HRNR: variants seen among roughly 807,000 people sequenced by gnomAD.
HRNR encodes the protein filaggrin family member 3.
HRNR carries 7 observed loss-of-function variants against 4.8 expected under a neutral mutation model. The observed-to-expected ratio is 1.47, with a 90% CI of 0.83 to 2.75. The LOEUF (loss-of-function observed/expected upper bound fraction) is 2.75, where lower values mean the gene tolerates loss of function less well. HRNR is among the 30% of genes most tolerant of loss of function. The pLI is 0.00. For missense variants in HRNR, 2,879 were observed against 3,010.4 expected (o/e 0.96, Z 1.02); for synonymous variants, 1,023 against 1,242.7 (o/e 0.82, Z 3.72).
chr1:152,213,194 T>G lies in HRNR; in HGVS notation c.8435A>C (p.Tyr2812Ser). ...GSGSGQDGYS[Y>S]CKGGSNHDGG... ...ATCATGGTTACTTCCTCCTTTGCAA[T>G]AAGAATACCCATCTTGCCCTGAGCC... The change falls in exon 3 of 3, where the codon TAT (tyrosine) becomes TCT (serine). Residue 2812 changes from tyrosine (Y) to serine (S), a missense_variant. By Grantham distance (144) the Tyr-to-Ser change is moderately radical. Transcript: ENST00000368801. The G allele has an allele frequency of 6.2e-7, 1 of 1,614,136 alleles. No individual in the cohort carries two copies. Among genetic ancestry groups the G allele is most frequent in the Non-Finnish European group, 8.5e-7 (1 of 1,180,032 alleles).
In HRNR at chr1:152,213,213, C is replaced by A. The variant is rs780774579; in HGVS notation, c.8416G>T (p.Gly2806Trp). 7.4e-6 allele frequency: 12 copies of A among 1,614,150 alleles called. No individual in the cohort carries two copies. The South Asian group carries it at 1.2e-4, about 16-fold the overall frequency. The change falls in exon 3 of 3, where the codon GGG (glycine) becomes TGG (tryptophan). Residue 2806 changes from glycine to tryptophan, a missense_variant. Around this residue, in one of 8 missense-constraint regions of HRNR, gnomAD observed 158 missense variants for 107.6 expected, o/e 1.47. Transcript: ENST00000368801. ...TTGCAATAAGAATACCCATCTTGCCCTGAGCCACTTCCATGCTGACTATAA... is the reference window on the plus strand; with the variant it reads ...TTGCAATAAGAATACCCATCTTGCCATGAGCCACTTCCATGCTGACTATAA... ...SGYSQHGSGS[G>W]QDGYSYCKGG...
chr1:152,218,870 C>T lies in HRNR; in HGVS notation c.2759G>A (p.Gly920Asp), dbSNP rs755328752. 9 of 1,613,784 alleles carry T rather than the reference C, an allele frequency of 5.6e-6. No homozygotes were observed. The highest frequency in any genetic ancestry group is 3.3e-5 in the Admixed American group (2 of 59,992). ...GSGSGRSSSS[G>D]RHGSGSGQSS... Reference sequence around the variant, plus strand: ...CTGGCCTGAGCCAGACCCATGTCGGCCACTGCTGGAAGACCGACCGGAGCC... The same window carrying T: ...CTGGCCTGAGCCAGACCCATGTCGGTCACTGCTGGAAGACCGACCGGAGCC... The change falls in exon 3 of 3, where the codon GGC becomes GAC. Residue 920 changes from glycine to aspartate, a missense_variant. By Grantham distance (94) the Gly-to-Asp change is moderately conservative (BLOSUM62 -1). This residue lies in a region of HRNR where 2,646 missense variants were observed against 1,377.7 expected (regional missense o/e 1.92). Coordinates refer to ENST00000368801, the MANE Select transcript of HRNR (RefSeq NM_001009931.3).
chr1:152,223,320 ATTTC>A, intron 1 of HRNR, 42 bp from the exon 2 acceptor site: 1 of 1,259,686 alleles, frequency 7.9e-7, no homozygotes, highest in East Asian at 2.3e-5. Flanking sequence ...TACTATTCTT[ATTTC>A]TTGTTTAAAC....
Position 152,221,366 on chromosome 1 carries a change from A to G in HRNR, c.263T>C (p.Ile88Thr). ...IFKLVQARNK[I>T]IGKDYCQVSG... ...AACTTGGCAGTAATCTTTGCCAATG[A>G]TTTTATTACGAGCCTGAACCAGCTT... Residue 88 changes from isoleucine to threonine, a missense_variant, in exon 3 of 3, where the codon ATC (isoleucine) becomes ACC (threonine). Coordinates refer to ENST00000368801, the MANE Select transcript of HRNR (RefSeq NM_001009931.3). 2 of 1,613,954 alleles carry G rather than the reference A, an allele frequency of 1.2e-6. No homozygotes were observed. The highest frequency in any genetic ancestry group is 1.7e-6 in the Non-Finnish European group (2 of 1,180,020).
rs941466916 is a variant in HRNR, at chr1:152,220,370, G to T, written c.1259C>A (p.Ser420Tyr). Residue 420 changes from serine (S) to tyrosine (Y), a missense_variant, in exon 3 of 3, where the codon TCT (serine) becomes TAT (tyrosine). Ser to Tyr is a moderately radical substitution (Grantham distance 144). This residue lies in a region of HRNR where 2,646 missense variants were observed against 1,377.7 expected (regional missense o/e 1.92). Transcript: ENST00000368801. ...CTGGCCGTGGCCTGGAGACTGGCCA[G>T]ATCCAGAGCTGTGTTGGCCGCGGCC... is the stretch of plus-strand genomic sequence containing the variant. Reference protein sequence around the residue: ...SSGRGQHSSGSGQSPGHGQRG... With the variant: ...SSGRGQHSSGYGQSPGHGQRG... 2.5e-6 allele frequency: 4 copies of T among 1,613,794 alleles called. No individual in the cohort carries two copies. Among genetic ancestry groups the T allele is most frequent in the Non-Finnish European group, 3.4e-6 (4 of 1,179,762 alleles).
Position 152,221,334 on chromosome 1 carries a change from A to C in HRNR, c.295T>G (p.Ser99Ala). 6.2e-7 allele frequency: 1 copy of C among 1,613,844 alleles called. No homozygotes were observed. The highest frequency in any genetic ancestry group is 1.1e-5 in the South Asian group (1 of 91,064). Residue 99 changes from serine (S) to alanine (A), a missense_variant, in exon 3 of 3, where the codon TCA becomes GCA. By Grantham distance (99) the Ser-to-Ala change is moderately conservative (BLOSUM62 1). This residue lies in a region of HRNR where 2,646 missense variants were observed against 1,377.7 expected (regional missense o/e 1.92). Coordinates refer to ENST00000368801, the MANE Select transcript of HRNR (RefSeq NM_001009931.3). ...IGKDYCQVSG[S>A]KLRDDTHQHQ... ...TGGTGAGTGTCATCTCTCAGCTTTG[A>C]CCCTGAAACTTGGCAGTAATCTTTG...
At position 152,219,260 on chromosome 1, in the gene HRNR, CT is replaced by C; in HGVS notation, c.2368del (p.Ser790AlafsTer261). On this transcript the variant is annotated frameshift_variant, in exon 3 of 3. Coordinates refer to ENST00000368801, the MANE Select transcript of HRNR (RefSeq NM_001009931.3). LOFTEE classifies it low-confidence loss of function (END_TRUNC). ...RHGSSSGHSS[S>X]HGQHGSGTSC... is the part of the protein sequence containing the mutation. ...TGTGCCAGACCCGTGTTGGCCGTGG[CT>C]GGAGGAGTGCCCTGAACTGGACCCA... 6.2e-7 allele frequency: 1 copy of C among 1,613,322 alleles called. No homozygotes were observed. The highest frequency in any genetic ancestry group is 1.1e-5 in the South Asian group (1 of 91,072).
In HRNR at chr1:152,219,156, C is replaced by G. The variant is rs1446537065; in HGVS notation, c.2473G>C (p.Gly825Arg). Residue 825 changes from glycine to arginine, a missense_variant, in exon 3 of 3, where the codon GGA becomes CGA. Physicochemically the swap from Gly to Arg is moderately radical, Grantham distance 125. This residue lies in a region of HRNR where 2,646 missense variants were observed against 1,377.7 expected (regional missense o/e 1.92). Coordinates refer to ENST00000368801, the MANE Select transcript of HRNR (RefSeq NM_001009931.3). ...SGFGQHESGS[G>R]QGYSQHGSAS... ...GAACCATGCTGACTATAGCCCTGTC[C>G]TGAGCCAGACTCGTGTTGCCCAAAA... is the stretch of plus-strand genomic sequence containing the variant. The G allele has an allele frequency of 1.3e-5, 21 of 1,613,634 alleles. No individual in the cohort carries two copies. Among genetic ancestry groups the G allele is most frequent in the East Asian group, 2.2e-5 (1 of 44,846 alleles).
Position 152,218,984 on chromosome 1 carries a change from C to T in HRNR, c.2645G>A (p.Arg882Gln), listed in dbSNP as rs145266060. 4.4e-5 allele frequency: 71 copies of T among 1,608,266 alleles called. No homozygotes were observed. Among genetic ancestry groups the T allele is most frequent in the African/African-American group, 9.4e-5 (7 of 74,780 alleles). Residue 882 changes from arginine to glutamine, a missense_variant, in exon 3 of 3, where the codon CGA (arginine) becomes CAA (glutamine). Arg to Gln is a conservative substitution (Grantham distance 43, BLOSUM62 1). Around this residue, in one of 8 missense-constraint regions of HRNR, gnomAD observed 2,646 missense variants for 1,377.7 expected, o/e 1.92. Transcript: ENST00000368801. ...SASHHASGRG[R>Q]HGSGSGQSPG... ...AGACTGGCCAGATCCAGAGCCATGT[C>T]GGCCGCGGCCCGAAGCGTGATGGGA...
chr1:152,219,844 A>C lies in HRNR; in HGVS notation c.1785T>G (p.Ser595=). The change falls in exon 3 of 3, where the codon TCT becomes TCG. Residue 595 remains serine, a synonymous_variant. Transcript: ENST00000368801. ...GHQESRSGQS[S]GYGQHGSSSG... is the part of the protein sequence containing the mutation. Reference sequence around the variant, plus strand: ...AGCTAGATCCGTGTTGACCGTAGCCAGAGGACTGTCCTGAGCGAGACTCTT... The same window carrying C: ...AGCTAGATCCGTGTTGACCGTAGCCCGAGGACTGTCCTGAGCGAGACTCTT... 6.2e-7 allele frequency: 1 copy of C among 1,612,148 alleles called. No homozygotes were observed. Among genetic ancestry groups the C allele is most frequent in the Non-Finnish European group, 8.5e-7 (1 of 1,178,678 alleles).
Position 152,223,226 on chromosome 1 carries a change from T to C in HRNR, c.28A>G (p.Thr10Ala). The change falls in exon 2 of 3, where the codon ACT becomes GCT. Residue 10 changes from threonine (T) to alanine (A), a missense_variant. This residue lies in a region of HRNR where 2,646 missense variants were observed against 1,377.7 expected (regional missense o/e 1.92). Coordinates refer to ENST00000368801, the MANE Select transcript of HRNR (RefSeq NM_001009931.3). MPKLLQGVI[T>A]VIDVFYQYAT... ...TATTGGTAGAAAACATCGATGACAG[T>C]GATGACGCCTTGTAGGAGTTTAGGC... is the stretch of plus-strand genomic sequence containing the variant. 6.2e-7 allele frequency: 1 copy of C among 1,609,738 alleles called. No homozygotes were observed. Among genetic ancestry groups the C allele is most frequent in the Non-Finnish European group, 8.5e-7 (1 of 1,178,976 alleles).
intron 1 of HRNR, among the ~76,000 whole-genome samples, chr1:152,223,531 G>C (rs1171691777): frequency 2.0e-5 from 3 of 152,162 alleles, no homozygotes; most frequent in Non-Finnish European, 4.4e-5. Context: ...ATGACTTTCT[G>C]TTTTTGGCTT....
rs370049105 is a variant in HRNR, at chr1:152,221,850, T to C, written c.139-360A>G. Among the ~76,000 whole-genome samples the C allele has an allele frequency of 7.7e-4, 117 of 152,352 alleles. 1 individual carries two copies. In the South Asian group the frequency reaches 0.023, roughly 29 times the overall value. ...TATTTATCCAATTAAATTAACTAGCTACTTAATTTACTCACTGAACAAAGA... is the reference window on the plus strand; with the variant it reads ...TATTTATCCAATTAAATTAACTAGCCACTTAATTTACTCACTGAACAAAGA... On this transcript the variant is annotated intron_variant, in intron 2 of 2. Coordinates refer to ENST00000368801, the MANE Select transcript of HRNR (RefSeq NM_001009931.3).
rs758130710 is a variant in HRNR, at chr1:152,218,433, G to T, written c.3196C>A (p.His1066Asn). Residue 1066 changes from histidine to asparagine, a missense_variant, in exon 3 of 3, where the codon CAT becomes AAT. Coordinates refer to ENST00000368801, the MANE Select transcript of HRNR (RefSeq NM_001009931.3). Reference sequence around the variant, plus strand: ...GAGGAATGACCTGAGCTAGATCCATGTTGACCGTAGCCAGAGGACTGTCCT... The same window carrying T: ...GAGGAATGACCTGAGCTAGATCCATTTTGACCGTAGCCAGAGGACTGTCCT... ...RSGQSSGYGQ[H>N]GSSSGHSSTH... The T allele has an allele frequency of 4.6e-5, 75 of 1,613,688 alleles. 1 individual carries two copies. In the East Asian group the frequency reaches 1.5e-3, roughly 33 times the overall value.
At position 152,219,133 on chromosome 1, in the gene HRNR, A is replaced by G. The variant is rs898328431; in HGVS notation, c.2496T>C (p.Gly832=). 2.0e-5 allele frequency: 32 copies of G among 1,613,682 alleles called. No homozygotes were observed. Among genetic ancestry groups the G allele is most frequent in the Non-Finnish European group, 2.4e-5 (28 of 1,179,992 alleles). Residue 832 remains glycine, a synonymous_variant, in exon 3 of 3, where the codon GGT becomes GGC. Transcript: ENST00000368801. The part of the protein sequence containing the change: ...SGSGQGYSQH[G]SASGHFSSQG... ...GGCTAGAGAAGTGACCTGAGGCAGA[A>G]CCATGCTGACTATAGCCCTGTCCTG...
intron 2 of HRNR, 52 bp downstream of exon 2, chr1:152,223,064 G>T: frequency 1.9e-6 from 3 of 1,565,304 alleles, no homozygotes; most frequent in Non-Finnish European, 2.6e-6. Flanking sequence ...AAGGTGGAAA[G>T]GGATAAAGAA....
rs1195082665 is a variant in HRNR at position 152,220,717 on chromosome 1, G to A, written c.912C>T (p.Arg304=). The change falls in exon 3 of 3, where the codon CGC becomes CGT. Residue 304 remains arginine (R), a synonymous_variant. Transcript: ENST00000368801. ...CATGTCGGACGTGGCTAGGAGACTG[G>A]CGAGATCCAGACCCTTGTCGGCCGT... ...LGHGRQGSGS[R]QSPSHVRHGS... is the part of the protein sequence containing the mutation. 1.1e-5 allele frequency: 17 copies of A among 1,612,996 alleles called. No individual in the cohort carries two copies. The highest frequency in any genetic ancestry group is 1.4e-5 in the Non-Finnish European group (17 of 1,179,468).
chr1:152,219,740 G>A lies in HRNR; in HGVS notation c.1889C>T (p.Ser630Leu). Reference protein sequence around the residue: ...SSSCGQHGATSGQSSSHGQHG... With the variant: ...SSSCGQHGATLGQSSSHGQHG... ...CTGACCGTGGCTGGAAGACTGACCT[G>A]AGGTAGCTCCATGTTGGCCACAGCT... Residue 630 changes from serine (S) to leucine (L), a missense_variant, in exon 3 of 3, where the codon TCA becomes TTA. Physicochemically the swap from Ser to Leu is moderately radical, Grantham distance 145. This residue lies in a region of HRNR where 2,646 missense variants were observed against 1,377.7 expected (regional missense o/e 1.92). Transcript: ENST00000368801. 6.2e-7 allele frequency: 1 copy of A among 1,613,596 alleles called. No homozygotes were observed. Among genetic ancestry groups the A allele is most frequent in the Non-Finnish European group, 8.5e-7 (1 of 1,179,650 alleles).
In HRNR at chr1:152,213,211, C is replaced by G; in HGVS notation, c.8418G>C (p.Gly2806=). The change falls in exon 3 of 3, where the codon GGG becomes GGC. Residue 2806 remains glycine, a synonymous_variant. Coordinates refer to ENST00000368801, the MANE Select transcript of HRNR (RefSeq NM_001009931.3). ...SGYSQHGSGS[G]QDGYSYCKGG... is the part of the protein sequence containing the mutation. ...CTTTGCAATAAGAATACCCATCTTG[C>G]CCTGAGCCACTTCCATGCTGACTAT... 1 of 1,614,132 alleles carries G rather than the reference C, an allele frequency of 6.2e-7. No homozygotes were observed. Among genetic ancestry groups the G allele is most frequent in the Non-Finnish European group, 8.5e-7 (1 of 1,180,022 alleles).
Sources: allele counts gnomAD v4.1 joint callset (sites outside exome capture counted in the v4.1 genomes callset), GRCh38; gene constraint gnomAD v4.1.1; regional missense constraint gnomAD v4.1.1; transcripts MANE v1.5; gene names NCBI Gene and HGNC (gene_info 2026-07-23, HGNC 2026-07-21).